NTNG1: variants seen among roughly 807,000 people sequenced by gnomAD.
NTNG1 encodes the protein netrin-G1.
In NTNG1, 16 loss-of-function variants were observed where a neutral mutation model predicts 54.0. The observed-to-expected ratio is 0.30, with a 90% CI of 0.20 to 0.45. The LOEUF (loss-of-function observed/expected upper bound fraction) is 0.45. Ranked by LOEUF, NTNG1 falls within the 20% of genes least tolerant of loss-of-function variation. The pLI, the probability that NTNG1 is intolerant of heterozygous loss-of-function variation, is 1.00. For synonymous variants in NTNG1, 255 were observed against 263.1 expected (o/e 0.97, Z 0.30); for missense variants, 530 against 678.7 (o/e 0.78, Z 2.43).
intron 5 of NTNG1, among the ~76,000 whole-genome samples, chr1:107,430,093 A>G (rs1253016078): frequency 2.6e-5 from 4 of 152,182 alleles, no homozygotes; most frequent in Non-Finnish European, 5.9e-5. Context: ...CGCACAAATT[A>G]TCTCCCTGCT....
intron 3 of NTNG1, among the ~76,000 whole-genome samples, chr1:107,338,571 C>G (rs1260607066): frequency 6.6e-6 from 1 of 151,862 alleles, no homozygotes; most frequent in Non-Finnish European, 1.5e-5. Context: ...GGAGGCCAAG[C>G]CAGGAAATTT....
intron 7 of NTNG1, 23 bp from the exon 8 acceptor site, chr1:107,480,588 C>CCCAAA: frequency 8.9e-7 from 1 of 1,119,760 alleles, no homozygotes; most frequent in Non-Finnish European, 1.3e-6. Context: ...CCACCCACCC[C>CCCAAA]TACCTTCCCC....
intron 2 of NTNG1, among the ~76,000 whole-genome samples, chr1:107,184,527 A>ATCTC (rs1359577583): frequency 1.3e-5 from 2 of 152,056 alleles, no homozygotes; most frequent in Non-Finnish European, 2.9e-5. Context: ...TTTATGGTGT[A>ATCTC]TCTCTCATTT....
intron 2 of NTNG1, among the ~76,000 whole-genome samples, chr1:107,309,396 G>A (rs1179830516): frequency 1.3e-5 from 2 of 152,148 alleles, no homozygotes; most frequent in Admixed American, 6.6e-5. Flanking sequence ...AGCAGATACA[G>A]CATTTAATTA....
intron 7 of NTNG1, among the ~76,000 whole-genome samples, chr1:107,476,088 CA>C (rs1254382091): frequency 6.6e-6 from 1 of 152,196 alleles, no homozygotes; most frequent in Non-Finnish European, 1.5e-5. Flanking sequence ...TTGTCCAACT[CA>C]AAGTGCCCTT....
rs1676376158 is a variant in NTNG1 at position 107,447,480 on chromosome 1, T to C, written c.1390+10681T>C. 2.6e-5 allele frequency among the ~76,000 whole-genome samples: 4 copies of C among 152,254 alleles called. No homozygotes were observed. The South Asian group carries it at 8.3e-4, about 32-fold the overall frequency. On this transcript the variant is annotated intron_variant, in intron 7 of 7. Coordinates refer to ENST00000370068, the MANE Select transcript of NTNG1 (RefSeq NM_001113226.3). ...CTTTCCTGAAATATTACACCCTTGT[T>C]CTTTCTAATTAAATGAAAAATTAAA...
chr1:107,386,702 G>A (rs910803510), intron 3 of NTNG1, among the ~76,000 whole-genome samples: 18 of 152,072 alleles, frequency 1.2e-4, no homozygotes, highest in East Asian at 7.7e-4. Context: ...TAATATTTGC[G>A]TACAAGTTTT....
intron 2 of NTNG1, among the ~76,000 whole-genome samples, chr1:107,250,008 G>T (rs74108670): frequency 0.039 from 6,000 of 152,194 alleles, 379 homozygotes; most frequent in African/African-American, 0.14. Flanking sequence ...CAGTGTAGGG[G>T]CAGGGAGAAG....
rs1558033939 is a variant in NTNG1, at chr1:107,482,437, T to C, written c.*1597T>C. 2 of 152,234 alleles carry C rather than the reference T, an allele frequency of 1.3e-5. No individual in the cohort carries two copies. The highest frequency in any genetic ancestry group is 2.9e-5 in the Non-Finnish European group (2 of 68,042). 9.4% of individuals were successfully genotyped at this position (152,234 alleles called of 1,614,324 possible). ...GTAATAAATTCTTGTTTCTGCCTTT[T>C]ATTAGGCCAATTACTGTGCAAGACA... On this transcript the variant is annotated 3_prime_UTR_variant, in exon 8 of 8. Transcript: ENST00000370068.
At chr1:107,234,003 C>T (rs115356379) in intron 2 of NTNG1, among the ~76,000 whole-genome samples, 48 of 152,214 alleles carry the variant, frequency 3.2e-4, no homozygotes, top group Non-Finnish European at 5.4e-4. Flanking sequence ...CTTTATACCC[C>T]GGAGCCCTGG....
chr1:107,484,753 T>C lies in NTNG1; in HGVS notation c.*3913T>C, dbSNP rs1170466832. On this transcript the variant is annotated 3_prime_UTR_variant, in exon 8 of 8. Transcript: ENST00000370068. ...TCTTGACATCGAATATTTTGTTCCATCTCCTTCACCCTCTACCATCAATAA... is the reference window on the plus strand; with the variant it reads ...TCTTGACATCGAATATTTTGTTCCACCTCCTTCACCCTCTACCATCAATAA... Among the ~76,000 whole-genome samples the C allele has an allele frequency of 6.6e-6, 1 of 152,204 alleles. No individual in the cohort carries two copies. Among genetic ancestry groups the C allele is most frequent in the Non-Finnish European group, 1.5e-5 (1 of 68,042 alleles).
chr1:107,358,763 GACATT>G (rs1293749578), intron 3 of NTNG1, among the ~76,000 whole-genome samples: 1 of 152,012 alleles, frequency 6.6e-6, no homozygotes, highest in Non-Finnish European at 1.5e-5. Context: ...TTACCCTTCA[GACATT>G]ACAAACATGC....
chr1:107,357,795 T>G (rs893755026), intron 3 of NTNG1, among the ~76,000 whole-genome samples: 1 of 152,216 alleles, frequency 6.6e-6, no homozygotes, highest in Admixed American at 6.5e-5. Context: ...AACTTTCCAG[T>G]TATCTGTGAT....
rs571692449 is a variant in NTNG1, at chr1:107,341,532, G to A, written c.887+16610G>A. 2.5e-4 allele frequency among the ~76,000 whole-genome samples: 38 copies of A among 152,074 alleles called. No individual in the cohort carries two copies. In the South Asian group the frequency reaches 4.2e-3, roughly 17 times the overall value. On this transcript the variant is annotated intron_variant, in intron 3 of 7. Transcript: ENST00000370068. ...GTTATATTATACCCCATTTCCTCTG[G>A]GTTGCAGATGCTCATTTATCCTCAC...
chr1:107,333,777 G>C (rs1367207762), intron 3 of NTNG1, among the ~76,000 whole-genome samples: 1 of 150,810 alleles, frequency 6.6e-6, no homozygotes, highest in Admixed American at 6.6e-5. Context: ...GTGAAAAAGT[G>C]AGACTGTCGT....
intron 2 of NTNG1, among the ~76,000 whole-genome samples, chr1:107,246,226 TG>T (rs1264008331): frequency 6.6e-6 from 1 of 152,144 alleles, no homozygotes; most frequent in Non-Finnish European, 1.5e-5. Flanking sequence ...TAATTATTTT[TG>T]TATTTTTAAT....
chr1:107,146,240 A>G (rs555023522), intron 1 of NTNG1, among the ~76,000 whole-genome samples: 10 of 152,106 alleles, frequency 6.6e-5, no homozygotes, highest in Non-Finnish European at 1.5e-4. Flanking sequence ...ATTTGAAACT[A>G]AGAATTAAAG....
At chr1:107,367,160 A>G (rs1289809336) in intron 3 of NTNG1, among the ~76,000 whole-genome samples, 4 of 152,066 alleles carry the variant, frequency 2.6e-5, no homozygotes, top group African/African-American at 9.7e-5. Context: ...ATAAATCAGT[A>G]CTGTCCTACA....
intron 7 of NTNG1, among the ~76,000 whole-genome samples, chr1:107,465,823 A>G (rs1677569471): frequency 6.6e-6 from 1 of 152,228 alleles, no homozygotes; most frequent in Non-Finnish European, 1.5e-5. Context: ...CTCCCATACA[A>G]TTGAAGTAAT....
Sources: allele counts gnomAD v4.1 joint callset (sites outside exome capture counted in the v4.1 genomes callset), GRCh38; gene constraint gnomAD v4.1.1; transcripts MANE v1.5; gene names NCBI Gene and HGNC (gene_info 2026-07-23, HGNC 2026-07-21).